The following GHR variants were observed in gnomAD, a reference collection of about 807,000 sequenced individuals.
GHR encodes the protein growth hormone receptor.
A neutral mutation model predicts 67.1 loss-of-function variants in GHR; 35 were observed. The ratio of observed to expected loss-of-function variants is 0.52; its 90% CI spans 0.40 to 0.69. GHR has a LOEUF of 0.69. Among genes scored for constraint, GHR ranks in the 30% least tolerant of loss-of-function variants. The probability of loss-of-function intolerance (pLI) is 0.00; values close to 1 mark genes in which losing one functional copy is unlikely to be tolerated. For missense variants in GHR, 792 were observed against 764.6 expected (o/e 1.04, Z -0.42); for synonymous variants, 272 against 269.1 (o/e 1.01, Z -0.10).
intron 1 of GHR, among the ~76,000 whole-genome samples, chr5:42,546,648 T>C (rs1386760547): frequency 6.6e-6 from 1 of 152,184 alleles, no homozygotes; most frequent in Non-Finnish European, 1.5e-5. Flanking sequence ...ATTAATTCCA[T>C]GTGCTAGGAA....
intron 1 of GHR, among the ~76,000 whole-genome samples, chr5:42,541,827 G>A (rs1748531874): frequency 6.6e-6 from 1 of 152,088 alleles, no homozygotes. Flanking sequence ...GGAAAGGCCT[G>A]AGAATCTGGA....
intron 1 of GHR, chr5:42,465,687 G>C: frequency 1.2e-6 from 1 of 850,674 alleles, no homozygotes; most frequent in Non-Finnish European, 2.1e-6. Context: ...TCGTGCTTCA[G>C]GCCACTGTAA....
chr5:42,518,452 C>A (rs546224973), intron 1 of GHR, among the ~76,000 whole-genome samples: 12 of 152,210 alleles, frequency 7.9e-5, no homozygotes, highest in Admixed American at 4.6e-4. Context: ...CTAGCCAGGG[C>A]TCTGCAAAAA....
At chr5:42,541,772 T>C (rs1748529144) in intron 1 of GHR, among the ~76,000 whole-genome samples, 1 of 152,028 alleles carries the variant, frequency 6.6e-6, no homozygotes, top group African/African-American at 2.4e-5. Context: ...TCTGAGAGGA[T>C]TAGTTGATGG....
chr5:42,677,810 C>T (rs1310118751), intron 3 of GHR, among the ~76,000 whole-genome samples: 1 of 152,074 alleles, frequency 6.6e-6, no homozygotes, highest in East Asian at 1.9e-4. Context: ...CCAGGAAAGC[C>T]AAAAGATTGG....
At position 42,577,706 on chromosome 5, in the gene GHR, T is replaced by G. The variant is rs115941858; in HGVS notation, c.70+11762T>G. Among the ~76,000 whole-genome samples, 1,227 of 152,306 alleles carry G rather than the reference T, an allele frequency of 8.1e-3. 16 individuals are homozygous for G. The highest frequency in any genetic ancestry group is 0.028 in the African/African-American group (1,184 of 41,568). ...GAACTTATACATTTTGTAAAAGAGT[T>G]CAGACAATGAATTCATTCTTCTTGA... On this transcript the variant is annotated intron_variant, in intron 2 of 9. Transcript: ENST00000230882.
At chr5:42,472,781 C>G (rs988506449) in intron 1 of GHR, among the ~76,000 whole-genome samples, 13 of 152,112 alleles carry the variant, frequency 8.5e-5, no homozygotes, top group African/African-American at 3.1e-4. Context: ...TTAGGTGGGG[C>G]CAGATGAACA....
chr5:42,541,524 T>C (rs977513887), intron 1 of GHR, among the ~76,000 whole-genome samples: 11 of 151,948 alleles, frequency 7.2e-5, no homozygotes, highest in Non-Finnish European at 1.0e-4. Flanking sequence ...AAATACTTGG[T>C]CATTTACTCT....
chr5:42,553,614 C>T (rs1056720963), intron 1 of GHR, among the ~76,000 whole-genome samples: 9 of 152,178 alleles, frequency 5.9e-5, no homozygotes, highest in African/African-American at 2.2e-4. Context: ...AAGATAATCT[C>T]CCTGTTTTAA....
At chr5:42,673,969 G>A (rs543899819) in intron 3 of GHR, among the ~76,000 whole-genome samples, 47 of 152,012 alleles carry the variant, frequency 3.1e-4, no homozygotes, top group Non-Finnish European at 5.9e-4. Flanking sequence ...AGTCATCAGC[G>A]TGTTTTTTAA....
At chr5:42,429,351 G>A (rs1420386329) in intron 1 of GHR, among the ~76,000 whole-genome samples, 1 of 152,168 alleles carries the variant, frequency 6.6e-6, no homozygotes, top group African/African-American at 2.4e-5. Flanking sequence ...ATGACACATG[G>A]GGATTATGGT....
intron 1 of GHR, among the ~76,000 whole-genome samples, chr5:42,437,914 T>G (rs1166845089): frequency 6.6e-6 from 1 of 152,046 alleles, no homozygotes; most frequent in African/African-American, 2.4e-5. Context: ...TGGTATATAT[T>G]TTCTTATATT....
At chr5:42,461,753 T>C (rs1044007204) in intron 1 of GHR, among the ~76,000 whole-genome samples, 1 of 152,186 alleles carries the variant, frequency 6.6e-6, no homozygotes, top group Admixed American at 6.5e-5. Flanking sequence ...TGTCTCTTAG[T>C]ATTTATGGAA....
At chr5:42,452,155 C>T (rs1744077589) in intron 1 of GHR, among the ~76,000 whole-genome samples, 1 of 152,158 alleles carries the variant, frequency 6.6e-6, no homozygotes, top group Non-Finnish European at 1.5e-5. Flanking sequence ...TCCTTCATAT[C>T]TGAAGCTTAG....
chr5:42,542,164 A>T (rs1426687772), intron 1 of GHR, among the ~76,000 whole-genome samples: 1 of 152,182 alleles, frequency 6.6e-6, no homozygotes, highest in Non-Finnish European at 1.5e-5. Context: ...AAATGAAGAG[A>T]ACACAGTGAA....
At chr5:42,518,691 A>G (rs989165626) in intron 1 of GHR, among the ~76,000 whole-genome samples, 4 of 152,162 alleles carry the variant, frequency 2.6e-5, no homozygotes, top group African/African-American at 7.2e-5. Context: ...GATTTCTGCC[A>G]TGAGCGCACT....
At chr5:42,516,475 C>T (rs1259754924) in intron 1 of GHR, among the ~76,000 whole-genome samples, 2 of 151,998 alleles carry the variant, frequency 1.3e-5, no homozygotes, top group Non-Finnish European at 2.9e-5. Flanking sequence ...TCAGGGTTCC[C>T]TTTTGCAACA....
chr5:42,549,564 A>C, intron 1 of GHR: 1 of 457,362 alleles, frequency 2.2e-6, no homozygotes, highest in South Asian at 9.2e-5. Context: ...TAGGGGAATG[A>C]GTAGCAAAGA....
chr5:42,699,053 C>G (rs1757807580), intron 5 of GHR, among the ~76,000 whole-genome samples: 1 of 152,174 alleles, frequency 6.6e-6, no homozygotes, highest in South Asian at 2.1e-4. Flanking sequence ...GTCAAAAAGA[C>G]AGAAAACACT....
Sources: gnomAD v4.1 joint callset for allele counts (sites outside exome capture counted in the v4.1 genomes callset) on GRCh38, gnomAD v4.1.1 for gene constraint, MANE v1.5 for transcripts, NCBI Gene and HGNC (gene_info 2026-07-23, HGNC 2026-07-21) for gene names.